Variants in RBFOX1 observed in about 807,000 individuals in gnomAD.
RBFOX1 encodes the protein RNA binding fox-1 homolog 1, also known as RNA binding protein fox-1 homolog 1.
Under a neutral mutation model 57.7 loss-of-function variants are expected in RBFOX1, and 8 were observed. The ratio of observed to expected loss-of-function variants is 0.14; its 90% CI spans 0.08 to 0.25. RBFOX1 has a LOEUF of 0.25. RBFOX1 is among the 10% of genes least tolerant of loss of function. RBFOX1 has a pLI of 1.00. For synonymous variants in RBFOX1, 326 were observed against 222.4 expected, an observed-to-expected ratio of 1.47 and a Z score of -4.15; for missense variants, 611 against 548.5, an observed-to-expected ratio of 1.11 and a Z score of -1.14.
intron 4 of RBFOX1, among the ~76,000 whole-genome samples, chr16:5,980,056 G>A (rs1249044804): frequency 6.6e-6 from 1 of 152,166 alleles, no homozygotes; most frequent in Admixed American, 6.5e-5. Flanking sequence ...CTTCCAATCA[G>A]CTCCACCCTC....
chr16:6,905,960 T>C (rs757332351), intron 3 of RBFOX1, among the ~76,000 whole-genome samples: 20 of 152,198 alleles, frequency 1.3e-4, no homozygotes, highest in Non-Finnish European at 2.2e-4. Flanking sequence ...TGAGCTTTGT[T>C]AGGTGCCAGG....
At chr16:7,073,125 A>G (rs933648671) in intron 4 of RBFOX1, among the ~76,000 whole-genome samples, 3 of 152,200 alleles carry the variant, frequency 2.0e-5, no homozygotes, top group African/African-American at 4.8e-5. Context: ...TAAAGTGTGT[A>G]TCTTAGGGCA....
chr16:7,580,283 T>G (rs1228466779), intron 6 of RBFOX1, among the ~76,000 whole-genome samples: 1 of 151,956 alleles, frequency 6.6e-6, no homozygotes, highest in Admixed American at 6.6e-5. Context: ...GTCCTCTTGG[T>G]TTTGCTTTCT....
chr16:5,768,421 T>C (rs571666754), intron 3 of RBFOX1, among the ~76,000 whole-genome samples: 1 of 152,216 alleles, frequency 6.6e-6, no homozygotes, highest in African/African-American at 2.4e-5. Flanking sequence ...CCTCACTGTT[T>C]AGACCCCCTT....
chr16:6,605,047 C>T (rs2097907287), intron 2 of RBFOX1, among the ~76,000 whole-genome samples: 1 of 151,702 alleles, frequency 6.6e-6, no homozygotes, highest in South Asian at 2.1e-4. Context: ...AATATATAAA[C>T]ACATGCACAA....
At chr16:5,568,490 A>C (rs186124864) in intron 2 of RBFOX1, among the ~76,000 whole-genome samples, 3 of 152,262 alleles carry the variant, frequency 2.0e-5, no homozygotes, top group Admixed American at 1.3e-4. Flanking sequence ...GTGTTCGTCA[A>C]GATGGAGCAG....
At chr16:7,119,053 A>G (rs2066533341) in intron 4 of RBFOX1, among the ~76,000 whole-genome samples, 1 of 152,130 alleles carries the variant, frequency 6.6e-6, no homozygotes, top group Non-Finnish European at 1.5e-5. Flanking sequence ...CAGGTGGGGC[A>G]TTTTGTAACT....
chr16:7,259,716 G>C (rs2094842831), intron 4 of RBFOX1, among the ~76,000 whole-genome samples: 1 of 152,134 alleles, frequency 6.6e-6, no homozygotes, highest in Non-Finnish European at 1.5e-5. Context: ...CACTCACTTA[G>C]TCATGAACTT....
At chr16:5,966,574 C>A (rs1419196644) in intron 4 of RBFOX1, among the ~76,000 whole-genome samples, 1 of 152,212 alleles carries the variant, frequency 6.6e-6, no homozygotes, top group Non-Finnish European at 1.5e-5. Context: ...TCTGCCTCAG[C>A]CTCCCAAGTA....
At chr16:6,408,928 AT>A (rs2093371664) in intron 2 of RBFOX1, among the ~76,000 whole-genome samples, 1 of 151,636 alleles carries the variant, frequency 6.6e-6, no homozygotes, top group African/African-American at 2.4e-5. Context: ...CTATTTTATC[AT>A]TTTCTTTTGG....
intron 14 of RBFOX1, among the ~76,000 whole-genome samples, chr16:7,694,332 A>AAAGGCTTAAG: frequency 6.6e-6 from 1 of 152,326 alleles, no homozygotes; most frequent in Admixed American, 6.5e-5. Context: ...CTGCAGTAAA[A>AAAGGCTTAAG]AAAGGCTTAT....
At position 7,455,095 on chromosome 16, in the gene RBFOX1, C is replaced by G. The variant is rs116689482; in HGVS notation, c.28-63052C>G. ...CAACGGATTCGATAGCAAACCAGAC[C>G]ATTGTATTTTCTGCCATCTTGAAGC... is the stretch of plus-strand genomic sequence containing the variant. On this transcript the variant is annotated intron_variant, in intron 4 of 15. Transcript: ENST00000550418. 1.5e-3 allele frequency among the ~76,000 whole-genome samples: 234 copies of G among 152,264 alleles called. 3 individuals are homozygous for G. The highest frequency in any genetic ancestry group is 5.4e-3 in the African/African-American group (226 of 41,540).
At chr16:7,444,151 G>T (rs1022088636) in intron 4 of RBFOX1, among the ~76,000 whole-genome samples, 5 of 152,176 alleles carry the variant, frequency 3.3e-5, no homozygotes, top group Admixed American at 6.5e-5. Context: ...ACATTAGCTA[G>T]GGTTATTAGT....
Position 7,508,487 on chromosome 16 carries a change from C to T in RBFOX1, c.28-9660C>T, listed in dbSNP as rs898996030. ...GAGCTGGAGTCTTGTGAGACAGGGC[C>T]TCTTGTCCTCTGTGTTTATGTGGTT... is the stretch of plus-strand genomic sequence containing the variant. On this transcript the variant is annotated intron_variant, in intron 4 of 15. Coordinates refer to ENST00000550418, the MANE Select transcript of RBFOX1 (RefSeq NM_018723.4). Among the ~76,000 whole-genome samples, 6 of 152,110 alleles carry T rather than the reference C, an allele frequency of 3.9e-5. No homozygotes were observed. In the South Asian group the frequency reaches 1.2e-3, roughly 31 times the overall value.
intron 2 of RBFOX1, among the ~76,000 whole-genome samples, chr16:6,373,896 C>G (rs1446826469): frequency 6.6e-6 from 1 of 152,086 alleles, no homozygotes; most frequent in African/African-American, 2.4e-5. Flanking sequence ...TCCTTTTTGT[C>G]TTTCAGATAG....
chr16:5,243,298 A>G (rs2062215062), intron 1 of RBFOX1, among the ~76,000 whole-genome samples: 1 of 152,026 alleles, frequency 6.6e-6, no homozygotes, highest in Non-Finnish European at 1.5e-5. Context: ...AAGGGTAATA[A>G]CTCACTGGAG....
chr16:6,473,297 G>A (rs897053082), intron 2 of RBFOX1, among the ~76,000 whole-genome samples: 1 of 152,088 alleles, frequency 6.6e-6, no homozygotes, highest in African/African-American at 2.4e-5. Context: ...TTGTAGTTCT[G>A]TAGTACAAAT....
At chr16:6,554,903 C>T (rs569550675) in intron 2 of RBFOX1, among the ~76,000 whole-genome samples, 1 of 152,270 alleles carries the variant, frequency 6.6e-6, no homozygotes, top group Admixed American at 6.5e-5. Flanking sequence ...GAAAGAAGCC[C>T]AGAGTATGCT....
At chr16:5,777,827 A>G (rs1286943385) in intron 3 of RBFOX1, among the ~76,000 whole-genome samples, 1 of 152,196 alleles carries the variant, frequency 6.6e-6, no homozygotes, top group Non-Finnish European at 1.5e-5. Flanking sequence ...TCCTTTAAAA[A>G]ATATGCCCTT....
Sources: gnomAD v4.1 joint callset for allele counts (sites outside exome capture counted in the v4.1 genomes callset) on GRCh38, gnomAD v4.1.1 for gene constraint, MANE v1.5 for transcripts, NCBI Gene and HGNC (gene_info 2026-07-23, HGNC 2026-07-21) for gene names.